The following ZNF432 variants were observed in gnomAD, a reference collection of about 807,000 sequenced individuals.
ZNF432 encodes the protein zinc finger protein 432.
Under a neutral mutation model 13.9 loss-of-function variants are expected in ZNF432, and 10 were observed. The observed-to-expected ratio is 0.72, with a 90% CI of 0.44 to 1.22. ZNF432 has a LOEUF of 1.22. Ranked by LOEUF, ZNF432 falls within the 50% of genes most tolerant of loss-of-function variation. The pLI is 0.00. For synonymous variants in ZNF432, 247 were observed against 256.2 expected (o/e 0.96, Z 0.34); for missense variants, 793 against 796.2 (o/e 1.00, Z 0.05).
intron 4 of ZNF432, among the ~76,000 whole-genome samples, chr19:52,038,045 C>T (rs1182673759): frequency 6.6e-6 from 1 of 152,164 alleles, no homozygotes; most frequent in Non-Finnish European, 1.5e-5. Context: ...TCAAGACTAG[C>T]AACATATTTT....
Position 52,041,570 on chromosome 19 carries a change from T to C in ZNF432, c.52A>G (p.Thr18Ala). Residue 18 changes from threonine to alanine, a missense_variant, in exon 3 of 5, where the codon ACC (threonine) becomes GCC (alanine). By Grantham distance (58) the Thr-to-Ala change is moderately conservative. Coordinates refer to ENST00000221315, the MANE Select transcript of ZNF432 (RefSeq NM_014650.4). ...CCCAGGAGCTGCCACTCCTCCCAGG[T>C]GAACTCCACAGTAACATCCTCCAGT... is the stretch of plus-strand genomic sequence containing the variant. ...LTLEDVTVEF[T>A]WEEWQLLGPF... The C allele has an allele frequency of 1.2e-6, 2 of 1,614,008 alleles. No homozygotes were observed. Among genetic ancestry groups the C allele is most frequent in the Non-Finnish European group, 8.5e-7 (1 of 1,179,952 alleles).
intron 4 of ZNF432, among the ~76,000 whole-genome samples, chr19:52,038,595 C>G (rs960899533): frequency 1.3e-5 from 2 of 152,102 alleles, no homozygotes; most frequent in African/African-American, 2.4e-5. Flanking sequence ...TGACCCATGC[C>G]TTCATTCTTA....
chr19:52,047,908 A>C (rs886506912), intron 1 of ZNF432, among the ~76,000 whole-genome samples: 6 of 152,154 alleles, frequency 3.9e-5, no homozygotes, highest in South Asian at 4.1e-4. Context: ...GGCTCTTGTT[A>C]ATTTGTGCGC....
In ZNF432 at chr19:52,041,590, T is replaced by G; in HGVS notation, c.32A>C (p.Glu11Ala). ...CCAGGTGAACTCCACAGTAACATCC[T>G]CCAGTGTCAGCAATTCCTGTAAGAA... MINAQELLTL[E>A]DVTVEFTWEE... The change falls in exon 3 of 5, where the codon GAG becomes GCG. Residue 11 changes from glutamate to alanine, a missense_variant. By Grantham distance (107) the Glu-to-Ala change is moderately radical. Transcript: ENST00000221315. The G allele has an allele frequency of 6.2e-7, 1 of 1,614,132 alleles. No individual in the cohort carries two copies. The highest frequency in any genetic ancestry group is 8.5e-7 in the Non-Finnish European group (1 of 1,180,002).
intron 4 of ZNF432, among the ~76,000 whole-genome samples, chr19:52,036,635 TAATC>T (rs1402900065): frequency 6.6e-6 from 1 of 152,080 alleles, no homozygotes; most frequent in Non-Finnish European, 1.5e-5. Context: ...AGCATGGAAA[TAATC>T]AGTACATACA....
chr19:52,035,496 C>G (rs1162019316), intron 4 of ZNF432, 56 bp from the exon 5 acceptor site: 31 of 1,337,592 alleles, frequency 2.3e-5, no homozygotes, highest in Non-Finnish European at 3.1e-5. Context: ...ATAAAACTGT[C>G]TTCTTAGAAA....
At chr19:52,046,709 A>G in intron 2 of ZNF432, 145 bp downstream of exon 2, 2 of 757,296 alleles carry the variant, frequency 2.6e-6, no homozygotes, top group Non-Finnish European at 4.1e-6. Flanking sequence ...GGAATCACAT[A>G]AACACTATAT....
intron 2 of ZNF432, among the ~76,000 whole-genome samples, chr19:52,045,558 G>A (rs984518664): frequency 6.6e-6 from 1 of 151,308 alleles, no homozygotes; most frequent in Admixed American, 6.6e-5. Flanking sequence ...GTTTCTCCAT[G>A]TTGGTCAGGC....
chr19:52,036,348 G>C (rs1398896862), intron 4 of ZNF432, among the ~76,000 whole-genome samples: 1 of 152,224 alleles, frequency 6.6e-6, no homozygotes, highest in Non-Finnish European at 1.5e-5. Flanking sequence ...GAGCAGTGTA[G>C]ATGATGAGAG....
intron 4 of ZNF432, among the ~76,000 whole-genome samples, chr19:52,037,485 A>C (rs543230132): frequency 6.6e-6 from 1 of 152,260 alleles, no homozygotes; most frequent in East Asian, 1.9e-4. Flanking sequence ...CTTCAATCAC[A>C]TTCTGCATGC....
At chr19:52,040,203 G>T (rs534113322) in intron 4 of ZNF432, among the ~76,000 whole-genome samples, 1 of 152,180 alleles carries the variant, frequency 6.6e-6, no homozygotes, top group Non-Finnish European at 1.5e-5. Flanking sequence ...ACTGATGTAG[G>T]ACATAAAACA....
intron 3 of ZNF432, 123 bp downstream of exon 3, chr19:52,041,357 G>A (rs11882305): frequency 0.12 from 152,606 of 1,278,532 alleles, 10,824 homozygotes; most frequent in South Asian, 0.29. Flanking sequence ...TTTATCAGAA[G>A]CCAGAGGATG....
chr19:52,048,182 C>CACACACACACAA lies in ZNF432; in HGVS notation c.-193+512_-193+513insTTGTGTGTGTGT, dbSNP rs1482172095. On this transcript the variant is annotated intron_variant, in intron 1 of 4. Coordinates refer to ENST00000221315, the MANE Select transcript of ZNF432 (RefSeq NM_014650.4). ...ACACACACACACACACACACACACA[C>CACACACACACAA]AAAACCAGCCAGGGCTCTTGTGAAA... 2.3e-4 allele frequency among the ~76,000 whole-genome samples: 33 copies of CACACACACACAA among 146,300 alleles called. No homozygotes were observed. The East Asian group carries it at 3.4e-3, about 15-fold the overall frequency.
intron 2 of ZNF432, among the ~76,000 whole-genome samples, chr19:52,043,944 C>CA (rs1476554800): frequency 3.9e-5 from 6 of 152,170 alleles, no homozygotes; most frequent in African/African-American, 1.4e-4. Flanking sequence ...TAAGGGAACT[C>CA]AGAGGCTGGC....
chr19:52,048,128 AACACACACACACACACACACACACACAC>A (rs3138637), intron 1 of ZNF432, among the ~76,000 whole-genome samples: 6 of 103,340 alleles, frequency 5.8e-5, no homozygotes, highest in African/African-American at 1.3e-4. Context: ...GTTTGAGCTC[AACACACACACACACACACACACACACAC>A]ACACACACAC....
chr19:52,047,671 CAAAA>C (rs201695632), intron 1 of ZNF432, among the ~76,000 whole-genome samples: 1 of 71,864 alleles, frequency 1.4e-5, no homozygotes, highest in Non-Finnish European at 2.7e-5. Context: ...GACTCCATCT[CAAAA>C]AAAAAAAAAA....
intron 4 of ZNF432, among the ~76,000 whole-genome samples, chr19:52,038,035 T>C (rs2087101160): frequency 6.6e-6 from 1 of 152,168 alleles, no homozygotes; most frequent in South Asian, 2.1e-4. Flanking sequence ...AAGTGAAAGG[T>C]CAAGACTAGC....
At chr19:52,037,520 G>C (rs1398075531) in intron 4 of ZNF432, among the ~76,000 whole-genome samples, 1 of 152,134 alleles carries the variant, frequency 6.6e-6, no homozygotes, top group African/African-American at 2.4e-5. Context: ...ATCAAGGCCA[G>C]GCACGGTGGC....
In ZNF432 at chr19:52,033,688, T is replaced by C. The variant is rs1230858703; in HGVS notation, c.*32A>G. ...CTGATGTTGTACAAGGCAGATTTTC[T>C]TCCCAAAGGCATGAACATGTCCACT... On this transcript the variant is annotated 3_prime_UTR_variant, in exon 5 of 5. Transcript: ENST00000221315. 1 of 1,534,066 alleles carries C rather than the reference T, an allele frequency of 6.5e-7. No homozygotes were observed. The highest frequency in any genetic ancestry group is 2.3e-5 in the East Asian group (1 of 44,334).
Sources: gnomAD v4.1 joint callset for allele counts (sites outside exome capture counted in the v4.1 genomes callset) on GRCh38, gnomAD v4.1.1 for gene constraint, MANE v1.5 for transcripts, NCBI Gene and HGNC (gene_info 2026-07-23, HGNC 2026-07-21) for gene names.